Variants in GLIS3 observed in about 807,000 individuals in gnomAD.
GLIS3 encodes zinc finger protein GLIS3.
GLIS3 carries 53 observed loss-of-function variants against 78.6 expected under a neutral mutation model. That is an observed-to-expected ratio of 0.67 (90% CI 0.54 to 0.85). GLIS3 has a LOEUF of 0.85. Among genes scored for constraint, GLIS3 ranks in the 40% least tolerant of loss-of-function variants. GLIS3 has a pLI of 0.00. For missense variants in GLIS3, 1,703 were observed against 1,231.1 expected (o/e 1.38, Z -5.74); for synonymous variants, 684 against 509.9 (o/e 1.34, Z -4.60).
chr9:4,412,183 AG>A, the GLIS3 span, among the ~76,000 whole-genome samples: 2 of 152,250 alleles, frequency 1.3e-5, no homozygotes, highest in African/African-American at 4.8e-5. Context: ...GCATACCTTC[AG>A]GCCTAGCAAG....
the GLIS3 span, among the ~76,000 whole-genome samples, chr9:4,466,847 G>C: frequency 6.6e-6 from 1 of 152,254 alleles, no homozygotes; most frequent in South Asian, 2.1e-4. Context: ...CCTCATCCAG[G>C]AAGTGCAAGG....
At chr9:4,091,014 G>C (rs569968389) in intron 4 of GLIS3, among the ~76,000 whole-genome samples, 4 of 152,228 alleles carry the variant, frequency 2.6e-5, no homozygotes, top group African/African-American at 4.8e-5. Flanking sequence ...ATATAAAAAG[G>C]GGGATGATGA....
intron 8 of GLIS3, among the ~76,000 whole-genome samples, chr9:3,875,929 A>T (rs1392137150): frequency 1.3e-5 from 2 of 152,148 alleles, no homozygotes; most frequent in Non-Finnish European, 1.5e-5. Context: ...TCATTTAACA[A>T]CATCCTCTGA....
chr9:4,186,781 G>A lies in GLIS3; in HGVS notation c.389-60840C>T, dbSNP rs1405032694. Among the ~76,000 whole-genome samples the A allele has an allele frequency of 2.0e-5, 3 of 152,104 alleles. No homozygotes were observed. In the East Asian group the frequency reaches 5.8e-4, roughly 29 times the overall value. On this transcript the variant is annotated intron_variant, in intron 2 of 10. Coordinates refer to ENST00000381971, the MANE Select transcript of GLIS3 (RefSeq NM_001042413.2). ...TGAGCTTTTTTTCATGTGTCTTTTG[G>A]CTGCATAAATGTCTTCTTTTGAGAA... is the stretch of plus-strand genomic sequence containing the variant.
At chr9:4,288,924 T>A (rs1453323922) in intron 1 of GLIS3, among the ~76,000 whole-genome samples, 3 of 152,200 alleles carry the variant, frequency 2.0e-5, no homozygotes, top group Non-Finnish European at 4.4e-5. Flanking sequence ...GTTTTCACAT[T>A]AATTACGCCA....
chr9:4,385,686 A>G, the GLIS3 span, among the ~76,000 whole-genome samples: 1 of 139,140 alleles, frequency 7.2e-6, no homozygotes, highest in Admixed American at 7.2e-5. Flanking sequence ...AAAAAAAGAA[A>G]AAAGAAAGAA....
intron 8 of GLIS3, among the ~76,000 whole-genome samples, chr9:3,869,112 G>C (rs1214684262): frequency 1.3e-5 from 2 of 152,136 alleles, no homozygotes; most frequent in South Asian, 2.1e-4. Flanking sequence ...ATACTGCCTG[G>C]TATATAAACA....
At chr9:3,923,569 T>C (rs997162570) in intron 6 of GLIS3, among the ~76,000 whole-genome samples, 5 of 97,676 alleles carry the variant, frequency 5.1e-5, no homozygotes, top group African/African-American at 2.1e-4. Flanking sequence ...CATGTGCAAG[T>C]GTTTCAGAAA....
the GLIS3 span, among the ~76,000 whole-genome samples, chr9:4,436,574 G>A: frequency 1.3e-5 from 2 of 152,074 alleles, no homozygotes; most frequent in Non-Finnish European, 2.9e-5. Context: ...GGAGGCCAAG[G>A]CGGGTGGATC....
At chr9:4,379,767 A>C in the GLIS3 span, among the ~76,000 whole-genome samples, 1 of 152,248 alleles carries the variant, frequency 6.6e-6, no homozygotes, top group African/African-American at 2.4e-5. Context: ...GGTATTTTCA[A>C]ATATCTTTTT....
At chr9:4,283,822 C>G (rs1364251300) in intron 2 of GLIS3, among the ~76,000 whole-genome samples, 1 of 152,236 alleles carries the variant, frequency 6.6e-6, no homozygotes, top group Non-Finnish European at 1.5e-5. Context: ...CTTGCACCAT[C>G]TAGACCACTG....
chr9:4,041,621 T>C (rs1222767582), intron 4 of GLIS3, among the ~76,000 whole-genome samples: 1 of 152,200 alleles, frequency 6.6e-6, no homozygotes, highest in East Asian at 1.9e-4. Context: ...CTTGTTTGCC[T>C]ATGCTCTGTG....
At chr9:3,847,224 TAAAATA>T (rs1819110535) in intron 9 of GLIS3, among the ~76,000 whole-genome samples, 1 of 147,540 alleles carries the variant, frequency 6.8e-6, no homozygotes, top group Non-Finnish European at 1.5e-5. Context: ...TAAAAAAAAA[TAAAATA>T]AAGAGGGGGC....
chr9:4,088,215 G>A (rs897704194), intron 4 of GLIS3, among the ~76,000 whole-genome samples: 5 of 152,172 alleles, frequency 3.3e-5, no homozygotes, highest in African/African-American at 1.2e-4. Flanking sequence ...TCCTTCTATC[G>A]GGGCACCTGC....
At chr9:4,278,264 C>T (rs1387326343) in intron 2 of GLIS3, among the ~76,000 whole-genome samples, 1 of 152,154 alleles carries the variant, frequency 6.6e-6, no homozygotes, top group Non-Finnish European at 1.5e-5. Flanking sequence ...CAATGACATC[C>T]CACAGTCAAC....
intron 4 of GLIS3, among the ~76,000 whole-genome samples, chr9:4,082,446 G>C (rs1828631193): frequency 6.6e-6 from 1 of 152,182 alleles, no homozygotes; most frequent in Admixed American, 6.5e-5. Context: ...ATCTTCATTT[G>C]AAATGGGGTG....
chr9:4,448,443 C>G, the GLIS3 span, among the ~76,000 whole-genome samples: 1 of 152,230 alleles, frequency 6.6e-6, no homozygotes, highest in Non-Finnish European at 1.5e-5. Flanking sequence ...TGAGCCACTT[C>G]TCAAAGCTGA....
At chr9:4,473,974 G>T in the GLIS3 span, among the ~76,000 whole-genome samples, 3 of 151,968 alleles carry the variant, frequency 2.0e-5, no homozygotes, top group African/African-American at 7.2e-5. Context: ...TGTATTAGAA[G>T]GCTCAAAATT....
chr9:4,257,713 A>C (rs1825108968), intron 2 of GLIS3, among the ~76,000 whole-genome samples: 1 of 151,784 alleles, frequency 6.6e-6, no homozygotes, highest in Admixed American at 6.6e-5. Flanking sequence ...AGCTGGGACT[A>C]CAGGTGCCTG....
Sources: allele counts gnomAD v4.1 joint callset (sites outside exome capture counted in the v4.1 genomes callset), GRCh38; gene constraint gnomAD v4.1.1; transcripts MANE v1.5; gene names NCBI Gene and HGNC (gene_info 2026-07-23, HGNC 2026-07-21).